Variants in SYNDIG1L observed in about 807,000 individuals in gnomAD.
The protein encoded by SYNDIG1L is synapse differentiation inducing 1 like.
Under a neutral mutation model 20.1 loss-of-function variants are expected in SYNDIG1L, and 13 were observed. The observed-to-expected ratio is 0.65, with a 90% CI of 0.42 to 1.03. The LOEUF (loss-of-function observed/expected upper bound fraction) is 1.03, where lower values mean the gene tolerates loss of function less well. SYNDIG1L is among the 50% of genes least tolerant of loss of function. The probability of loss-of-function intolerance (pLI) is 0.00; values close to 1 mark genes in which losing one functional copy is unlikely to be tolerated. For synonymous variants in SYNDIG1L, 128 were observed against 129.3 expected (o/e 0.99, Z 0.07); for missense variants, 294 against 305.1 (o/e 0.96, Z 0.27).
chr14:74,432,890 G>A, the SYNDIG1L span, among the ~76,000 whole-genome samples: 1 of 151,810 alleles, frequency 6.6e-6, no homozygotes, highest in Non-Finnish European at 1.5e-5. Flanking sequence ...ATGGATGGAC[G>A]GTAGACTTTT....
At chr14:74,469,613 C>T in the SYNDIG1L span, among the ~76,000 whole-genome samples, 1 of 152,164 alleles carries the variant, frequency 6.6e-6, no homozygotes, top group African/African-American at 2.4e-5. Flanking sequence ...AGATGAGGTG[C>T]AGAGGTCATC....
chr14:74,409,255 T>C lies in SYNDIG1L; in HGVS notation c.417+73A>G, dbSNP rs59746274. 4.5e-3 allele frequency: 5,460 copies of C among 1,201,968 alleles called. 168 individuals are homozygous for C. The African/African-American group carries it at 0.073, about 16-fold the overall frequency. 74.5% of individuals were successfully genotyped at this position (1,201,968 alleles called of 1,614,324 possible). A position where few individuals can be genotyped will look rare whatever the true frequency, so the allele number is the denominator to read the frequency against. ...CACCACGCCAGGCTAATTTTCAATT[T>C]TTTTTTTTTGTAGAGTCGGGGTCTC... On this transcript the variant is annotated intron_variant, in intron 2 of 3. Transcript: ENST00000331628.
At chr14:74,409,252 A>G (rs1024435885) in intron 2 of SYNDIG1L, 76 bp downstream of exon 2, 10 of 934,640 alleles carry the variant, frequency 1.1e-5, no homozygotes, top group Non-Finnish European at 1.5e-5. Flanking sequence ...CTAATTTTCA[A>G]TTTTTTTTTT....
chr14:74,409,056 A>T (rs1402071747), intron 2 of SYNDIG1L, among the ~76,000 whole-genome samples: 1 of 144,858 alleles, frequency 6.9e-6, no homozygotes, highest in East Asian at 2.0e-4. Flanking sequence ...CATTTTATTT[A>T]TTTATTTATT....
intron 1 of SYNDIG1L, among the ~76,000 whole-genome samples, chr14:74,423,688 A>ATG (rs570286423): frequency 6.0e-3 from 167 of 27,770 alleles, no homozygotes; most frequent in African/African-American, 0.028. Flanking sequence ...TGATTGATAT[A>ATG]TATATACACA....
chr14:74,411,230 T>G (rs539219528), intron 1 of SYNDIG1L, among the ~76,000 whole-genome samples: 1 of 152,178 alleles, frequency 6.6e-6, no homozygotes, highest in African/African-American at 2.4e-5. Context: ...ATCTGTAAGG[T>G]GTGGATGGTA....
intron 1 of SYNDIG1L, among the ~76,000 whole-genome samples, chr14:74,421,108 GA>G (rs1444177674): frequency 6.6e-6 from 1 of 151,866 alleles, no homozygotes; most frequent in East Asian, 1.9e-4. Flanking sequence ...AAAAAACTTT[GA>G]AAAAAAATTT....
At chr14:74,465,151 G>A in the SYNDIG1L span, among the ~76,000 whole-genome samples, 2 of 152,318 alleles carry the variant, frequency 1.3e-5, no homozygotes, top group African/African-American at 4.8e-5. Context: ...GTCTGTCTCT[G>A]ACACTTCATT....
chr14:74,442,203 T>A, the SYNDIG1L span, among the ~76,000 whole-genome samples: 1 of 152,158 alleles, frequency 6.6e-6, no homozygotes, highest in Non-Finnish European at 1.5e-5. Flanking sequence ...CATACGATTA[T>A]GAGAAAAACT....
chr14:74,407,614 G>C lies in SYNDIG1L; in HGVS notation c.638C>G (p.Ala213Gly). 1 of 1,614,046 alleles carries C rather than the reference G, an allele frequency of 6.2e-7. No homozygotes were observed. Among genetic ancestry groups the C allele is most frequent in the Non-Finnish European group, 8.5e-7 (1 of 1,179,910 alleles). Residue 213 changes from alanine to glycine, a missense_variant, in exon 4 of 4, where the codon GCC becomes GGC. Transcript: ENST00000331628. The part of the protein sequence containing the change: ...SRRALFLATL[A>G]IAVGAGLYVA... The stretch of plus-strand genomic sequence containing the variant: ...GTAGAGACCGGCCCCCACGGCGATG[G>C]CGAGTGTGGCTAGGAAGAGGGCCCG...
the SYNDIG1L span, among the ~76,000 whole-genome samples, chr14:74,458,948 C>T: frequency 6.6e-5 from 10 of 152,158 alleles, no homozygotes; most frequent in East Asian, 3.9e-4. Flanking sequence ...GTGCCTGTTT[C>T]GTGTGATGGT....
chr14:74,466,597 G>C, the SYNDIG1L span, among the ~76,000 whole-genome samples: 2 of 152,134 alleles, frequency 1.3e-5, no homozygotes, highest in South Asian at 2.1e-4. Context: ...CTCCTCCCCA[G>C]CCTCCCCCTT....
At chr14:74,439,772 G>A in the SYNDIG1L span, among the ~76,000 whole-genome samples, 2 of 151,522 alleles carry the variant, frequency 1.3e-5, no homozygotes, top group African/African-American at 2.4e-5. Flanking sequence ...TCAGCAACTC[G>A]GGAGGCTGAG....
rs2086091872 is a variant in SYNDIG1L at position 74,407,422 on chromosome 14, C to G, written c.*113G>C. 1 of 1,454,124 alleles carries G rather than the reference C, an allele frequency of 6.9e-7. No homozygotes were observed. The highest frequency in any genetic ancestry group is 1.9e-5 in the Admixed American group (1 of 53,870). The allele number at this position is 1,454,124 out of a possible 1,614,324, so 90.1% of individuals were successfully genotyped here. ...GAATGGGGGTCTCCCCCTCAGCAAG[C>G]CACTCTCACGGGATCATCTTCAGGG... On this transcript the variant is annotated 3_prime_UTR_variant, in exon 4 of 4. Coordinates refer to ENST00000331628, the MANE Select transcript of SYNDIG1L (RefSeq NM_001105579.2).
chr14:74,411,978 A>G (rs1451760052), intron 1 of SYNDIG1L, among the ~76,000 whole-genome samples: 1 of 152,168 alleles, frequency 6.6e-6, no homozygotes. Context: ...CATTAACCAG[A>G]GGTGAGTTCC....
intron 1 of SYNDIG1L, among the ~76,000 whole-genome samples, chr14:74,415,627 CT>C (rs1595196342): frequency 6.6e-6 from 1 of 152,050 alleles, no homozygotes; most frequent in East Asian, 1.9e-4. Flanking sequence ...TGCGCCTCGA[CT>C]TTTTGGGCTC....
intron 1 of SYNDIG1L, among the ~76,000 whole-genome samples, chr14:74,414,750 C>T (rs1254867690): frequency 1.3e-5 from 2 of 152,104 alleles, no homozygotes; most frequent in East Asian, 1.9e-4. Context: ...TCTAAATGCT[C>T]GTGTTGACTC....
intron 1 of SYNDIG1L, among the ~76,000 whole-genome samples, chr14:74,416,984 G>A (rs537041493): frequency 1.3e-5 from 2 of 152,300 alleles, no homozygotes; most frequent in East Asian, 1.9e-4. Context: ...GAAGTCTGAC[G>A]TCAGAATCAC....
intron 1 of SYNDIG1L, among the ~76,000 whole-genome samples, chr14:74,415,394 C>T (rs141372816): frequency 6.6e-6 from 1 of 152,028 alleles, no homozygotes; most frequent in South Asian, 2.1e-4. Flanking sequence ...TGGGGTGGGG[C>T]CTGGGAATTT....
Sources: allele counts gnomAD v4.1 joint callset (sites outside exome capture counted in the v4.1 genomes callset), GRCh38; gene constraint gnomAD v4.1.1; transcripts MANE v1.5; gene names NCBI Gene and HGNC (gene_info 2026-07-23, HGNC 2026-07-21).